The following IRS2 variants were observed in gnomAD, a reference collection of about 807,000 sequenced individuals.
IRS2 encodes the protein insulin receptor substrate 2.
In IRS2, 28 loss-of-function variants were observed where a neutral mutation model predicts 70.9. The observed-to-expected ratio is 0.39, with a 90% CI of 0.29 to 0.54. The LOEUF is 0.54. Among genes scored for constraint, IRS2 ranks in the 20% least tolerant of loss-of-function variants. The pLI is 0.59. For synonymous variants in IRS2, 1,217 were observed against 981.9 expected, an observed-to-expected ratio of 1.24 and a Z score of -4.48; for missense variants, 2,081 against 2,024.1, an observed-to-expected ratio of 1.03 and a Z score of -0.54.
Position 109,785,224 on chromosome 13 carries a change from G to A in IRS2, c.830C>T (p.Ser277Leu). The change falls in exon 1 of 2, where the codon TCG (serine) becomes TTG (leucine). Residue 277 changes from serine (S) to leucine (L), a missense_variant. This residue lies in a region of IRS2 where 35 missense variants were observed against 78.6 expected (regional missense o/e 0.45). Coordinates refer to ENST00000375856, the MANE Select transcript of IRS2 (RefSeq NM_003749.3). The surrounding 1 kb of genome is among the most constrained non-coding windows in gnomAD (Gnocchi z 9.3). ...PGELWMQADD[S>L]VVAQNIHETI... The stretch of plus-strand genomic sequence containing the variant: ...CTCGTGGATGTTCTGCGCCACCACC[G>A]AGTCGTCCGCCTGCATCCACAGCTC... 6.2e-7 allele frequency: 1 copy of A among 1,604,578 alleles called. No individual in the cohort carries two copies. Among genetic ancestry groups the A allele is most frequent in the Non-Finnish European group, 8.5e-7 (1 of 1,176,606 alleles).
chr13:109,763,830 T>A (rs1877278700), intron 1 of IRS2, among the ~76,000 whole-genome samples: 1 of 152,244 alleles, frequency 6.6e-6, no homozygotes, highest in African/African-American at 2.4e-5. Flanking sequence ...ATTAAGAGAA[T>A]GTAGAATAAT....
At chr13:109,772,430 C>T (rs1341458486) in intron 1 of IRS2, among the ~76,000 whole-genome samples, 1 of 152,220 alleles carries the variant, frequency 6.6e-6, no homozygotes, top group Non-Finnish European at 1.5e-5. Context: ...CAACACAGGG[C>T]GCTCCGAACG....
Position 109,785,586 on chromosome 13 carries a change from G to C in IRS2, c.468C>G (p.Ala156=), listed in dbSNP as rs1271492221. Residue 156 remains alanine (A), a synonymous_variant, in exon 1 of 2, where the codon GCC becomes GCG. Coordinates refer to ENST00000375856, the MANE Select transcript of IRS2 (RefSeq NM_003749.3). This position sits in a 1 kb window ranked among gnomAD's most constrained non-coding sequence, Gnocchi z 9.3. The part of the protein sequence containing the change: ...GRAAAGDAPP[A]AAPAASCSAS... ...CGCTGCAGGACGCGGCGGGCGCGGC[G>C]GCGGGGGGCGCGTCTCCGGCGGCCG... 1 of 1,327,804 alleles carries C rather than the reference G, an allele frequency of 7.5e-7. No homozygotes were observed. Among genetic ancestry groups the C allele is most frequent in the Non-Finnish European group, 9.6e-7 (1 of 1,039,628 alleles). 82.3% of individuals were successfully genotyped at this position (1,327,804 alleles called of 1,614,324 possible).
At position 109,782,311 on chromosome 13, in the gene IRS2, T is replaced by G; in HGVS notation, c.3743A>C (p.Gln1248Pro). The change falls in exon 1 of 2, where the codon CAG (glutamine) becomes CCG (proline). Residue 1248 changes from glutamine (Q) to proline (P), a missense_variant. By Grantham distance (76) the Gln-to-Pro change is moderately conservative (BLOSUM62 -1). Transcript: ENST00000375856. The part of the protein sequence containing the change: ...PMRRETSAGF[Q>P]NGLNYIAIDV... ...GATGGCGATGTAGTTGAGACCATTCTGGAAGCCGGCAGAGGTCTCTCTGCG... is the reference window on the plus strand; with the variant it reads ...GATGGCGATGTAGTTGAGACCATTCGGGAAGCCGGCAGAGGTCTCTCTGCG... 1.2e-6 allele frequency: 2 copies of G among 1,611,564 alleles called. No homozygotes were observed.
At chr13:109,768,584 A>T (rs759929753) in intron 1 of IRS2, among the ~76,000 whole-genome samples, 3 of 151,660 alleles carry the variant, frequency 2.0e-5, no homozygotes, top group Non-Finnish European at 4.4e-5. Context: ...CTGAAGAGTG[A>T]AATTGATTTG....
At chr13:109,761,469 T>C (rs1395339333) in intron 1 of IRS2, among the ~76,000 whole-genome samples, 1 of 152,038 alleles carries the variant, frequency 6.6e-6, no homozygotes, top group Non-Finnish European at 1.5e-5. Context: ...CAGCCTTTTA[T>C]GTTAAACACA....
At chr13:109,763,827 G>C (rs879832362) in intron 1 of IRS2, among the ~76,000 whole-genome samples, 2 of 152,172 alleles carry the variant, frequency 1.3e-5, no homozygotes, top group African/African-American at 4.8e-5. Flanking sequence ...CAAATTAAGA[G>C]AATGTAGAAT....
rs777230140 is a variant in IRS2, at chr13:109,785,495, C to T, written c.559G>A (p.Val187Met). The T allele has an allele frequency of 2.5e-6, 4 of 1,611,362 alleles. No individual in the cohort carries two copies. In the East Asian group the frequency reaches 8.9e-5, roughly 36 times the overall value. ...CGGTAGGCGGCCGTGGCGGGAGCCA[C>T]CAGCCCGTAGCTGTCCTCGGCCCCG... ...AAGAEDSYGL[V>M]APATAAYREV... is the part of the protein sequence containing the mutation. The change falls in exon 1 of 2, where the codon GTG (valine) becomes ATG (methionine). Residue 187 changes from valine (V) to methionine (M), a missense_variant. Transcript: ENST00000375856. The surrounding 1 kb of genome is among the most constrained non-coding windows in gnomAD (Gnocchi z 9.3).
In IRS2 at chr13:109,782,759, C is replaced by A; in HGVS notation, c.3295G>T (p.Ala1099Ser). 1 of 1,601,564 alleles carries A rather than the reference C, an allele frequency of 6.2e-7. No homozygotes were observed. Residue 1099 changes from alanine to serine, a missense_variant, in exon 1 of 2, where the codon GCC (alanine) becomes TCC (serine). By Grantham distance (99) the Ala-to-Ser change is moderately conservative. Coordinates refer to ENST00000375856, the MANE Select transcript of IRS2 (RefSeq NM_003749.3). The stretch of plus-strand genomic sequence containing the variant: ...CTCTTCACGCCCGACGTCGGGCTGG[C>A]CACGCGGGCAGCTTCTGGCTTCGGG... The part of the protein sequence containing the change: ...APPKPEAARV[A>S]SPTSGVKRLS...
At chr13:109,772,951 TCC>T (rs1877490325) in intron 1 of IRS2, among the ~76,000 whole-genome samples, 1 of 152,058 alleles carries the variant, frequency 6.6e-6, no homozygotes. Context: ...CGCCTCGGCC[TCC>T]CAAAGTGCTG....
intron 1 of IRS2, among the ~76,000 whole-genome samples, chr13:109,762,696 C>G (rs1024703837): frequency 2.0e-5 from 3 of 152,196 alleles, no homozygotes; most frequent in Non-Finnish European, 4.4e-5. Flanking sequence ...TGCCCAGGCC[C>G]TGCCTTCTCA....
intron 1 of IRS2, among the ~76,000 whole-genome samples, chr13:109,772,431 G>A (rs1294756255): frequency 2.0e-5 from 3 of 152,186 alleles, no homozygotes; most frequent in Non-Finnish European, 2.9e-5. Context: ...AACACAGGGC[G>A]CTCCGAACGT....
At chr13:109,771,279 A>G (rs1325434740) in intron 1 of IRS2, among the ~76,000 whole-genome samples, 2 of 152,104 alleles carry the variant, frequency 1.3e-5, no homozygotes, top group East Asian at 1.9e-4. Context: ...TAGCCTTTGT[A>G]TCTAGTATTT....
intron 1 of IRS2, among the ~76,000 whole-genome samples, chr13:109,767,394 A>G (rs1213751310): frequency 6.6e-6 from 1 of 152,204 alleles, no homozygotes; most frequent in Non-Finnish European, 1.5e-5. Context: ...CCAAATTGCC[A>G]GAAGTTTGGA....
chr13:109,762,647 T>C (rs999027638), intron 1 of IRS2, among the ~76,000 whole-genome samples: 1 of 152,150 alleles, frequency 6.6e-6, no homozygotes, highest in Non-Finnish European at 1.5e-5. Context: ...TGTGAGTCGA[T>C]GAGGGTGTGC....
intron 1 of IRS2, among the ~76,000 whole-genome samples, chr13:109,775,481 T>C (rs1213637913): frequency 3.3e-5 from 5 of 152,076 alleles, no homozygotes; most frequent in Non-Finnish European, 7.4e-5. Flanking sequence ...CACAGTATAA[T>C]AGGATTGTAA....
chr13:109,763,682 G>A (rs1050090128), intron 1 of IRS2, among the ~76,000 whole-genome samples: 3 of 152,168 alleles, frequency 2.0e-5, no homozygotes, highest in Non-Finnish European at 2.9e-5. Flanking sequence ...AATGAACGAC[G>A]TAATTCTTTC....
chr13:109,783,201 G>A lies in IRS2; in HGVS notation c.2853C>T (p.Ala951=). ...SAASSSSLLS[A]SSPASSLGSG... ...AGCCCAGCGACGAGGCCGGGCTGCTGGCGGACAAGAGCGAGGAGGACGAGG... is the reference window on the plus strand; with the variant it reads ...AGCCCAGCGACGAGGCCGGGCTGCTAGCGGACAAGAGCGAGGAGGACGAGG... Residue 951 remains alanine (A), a synonymous_variant, in exon 1 of 2, where the codon GCC becomes GCT. Transcript: ENST00000375856. 1 of 1,408,374 alleles carries A rather than the reference G, an allele frequency of 7.1e-7. No homozygotes were observed. Among genetic ancestry groups the A allele is most frequent in the Admixed American group, 3.1e-5 (1 of 31,968 alleles). The allele number at this position is 1,408,374 out of a possible 1,614,324, so 87.2% of individuals were successfully genotyped here. A position where few individuals can be genotyped will look rare whatever the true frequency, so the allele number is the denominator to read the frequency against.
chr13:109,784,778 G>A lies in IRS2; in HGVS notation c.1276C>T (p.Gln426Ter). The A allele has an allele frequency of 8.0e-7, 1 of 1,257,836 alleles. No individual in the cohort carries two copies. Among genetic ancestry groups the A allele is most frequent in the Non-Finnish European group, 1.0e-6 (1 of 1,001,076 alleles). The allele number at this position is 1,257,836 out of a possible 1,614,324, so 77.9% of individuals were successfully genotyped here. The change falls in exon 1 of 2, where the codon CAA (glutamine) becomes TAA (stop). Residue 426 changes from glutamine (Q) to a stop codon, truncating the protein, a stop_gained. Transcript: ENST00000375856. LOFTEE classifies it high-confidence loss of function. The surrounding 1 kb of genome is among the most constrained non-coding windows in gnomAD (Gnocchi z 5.2). ...GGCATGGACATGGAGCGGCTGTGTT[G>A]CAGCGCGCCCCCTGCCGGCAGCAGC... ...VALLPAGGAL[Q>*]HSRSMSMPVA...
Sources: gnomAD v4.1 joint callset for allele counts (sites outside exome capture counted in the v4.1 genomes callset) on GRCh38, gnomAD v4.1.1 for gene constraint, gnomAD v4.1.1 regional missense constraint, Gnocchi (gnomAD v3.1) non-coding constraint, MANE v1.5 for transcripts, NCBI Gene and HGNC (gene_info 2026-07-23, HGNC 2026-07-21) for gene names.